SPAG16: variants seen among roughly 807,000 people sequenced by gnomAD.
The protein encoded by SPAG16 is sperm-associated antigen 16 protein.
Under a neutral mutation model 80.4 loss-of-function variants are expected in SPAG16, and 86 were observed. The observed-to-expected ratio is 1.07, with a 90% CI of 0.90 to 1.28. The LOEUF (loss-of-function observed/expected upper bound fraction) is 1.28. Ranked by LOEUF, SPAG16 falls within the 50% of genes most tolerant of loss-of-function variation. SPAG16 has a pLI of 0.00. For missense variants in SPAG16, 870 were observed against 765.3 expected (o/e 1.14, Z -1.61); for synonymous variants, 294 against 265.9 (o/e 1.11, Z -1.03).
chr2:214,194,446 G>A (rs575523072), intron 15 of SPAG16, among the ~76,000 whole-genome samples: 1 of 152,134 alleles, frequency 6.6e-6, no homozygotes, highest in Non-Finnish European at 1.5e-5. Context: ...ACTGGAAGCA[G>A]GAAAATGAGA....
intron 10 of SPAG16, among the ~76,000 whole-genome samples, chr2:213,673,111 A>T (rs1011113327): frequency 3.3e-5 from 5 of 151,924 alleles, no homozygotes; most frequent in African/African-American, 1.2e-4. Flanking sequence ...CTATATTCAA[A>T]CCCTTCCTTT....
intron 10 of SPAG16, among the ~76,000 whole-genome samples, chr2:213,497,097 T>A (rs1316872349): frequency 6.6e-6 from 1 of 151,988 alleles, no homozygotes; most frequent in African/African-American, 2.4e-5. Context: ...TAATTTAAAA[T>A]ATTTTCTATA....
intron 11 of SPAG16, among the ~76,000 whole-genome samples, chr2:213,911,744 A>G (rs1339444545): frequency 2.0e-5 from 3 of 151,496 alleles, no homozygotes; most frequent in Non-Finnish European, 4.4e-5. Flanking sequence ...TGAGAGGCCT[A>G]GGAGAGGCAG....
intron 11 of SPAG16, among the ~76,000 whole-genome samples, chr2:213,881,709 G>A (rs565836697): frequency 6.6e-6 from 1 of 152,106 alleles, no homozygotes; most frequent in Non-Finnish European, 1.5e-5. Flanking sequence ...GAACAACATG[G>A]GAGAAACTGC....
chr2:213,346,686 T>A (rs1183734804), intron 6 of SPAG16, among the ~76,000 whole-genome samples: 1 of 152,244 alleles, frequency 6.6e-6, no homozygotes, highest in African/African-American at 2.4e-5. Flanking sequence ...TTATGTTTAT[T>A]GATTTGCATA....
At chr2:214,383,293 C>T (rs1700558085) in intron 15 of SPAG16, among the ~76,000 whole-genome samples, 2 of 152,154 alleles carry the variant, frequency 1.3e-5, no homozygotes, top group Non-Finnish European at 2.9e-5. Flanking sequence ...TTAGACTACA[C>T]TGGGCACAGT....
At chr2:213,896,592 G>GCGCACACACA (rs57025359) in intron 11 of SPAG16, among the ~76,000 whole-genome samples, 21,938 of 111,772 alleles carry the variant, frequency 0.2, 2,295 homozygotes, top group East Asian at 0.48. Flanking sequence ...ACACACACAC[G>GCGCACACACA]CACACACACA....
At chr2:213,702,389 G>A (rs1240612044) in intron 10 of SPAG16, among the ~76,000 whole-genome samples, 1 of 152,126 alleles carries the variant, frequency 6.6e-6, no homozygotes, top group Non-Finnish European at 1.5e-5. Flanking sequence ...CTGCTGTTTG[G>A]GTCCATGCAG....
At chr2:214,092,189 C>A (rs1261887315) in intron 13 of SPAG16, among the ~76,000 whole-genome samples, 2 of 152,078 alleles carry the variant, frequency 1.3e-5, no homozygotes, top group Admixed American at 6.6e-5. Flanking sequence ...GCTGCAAAAA[C>A]ATACTCAGAT....
At chr2:214,253,653 A>G (rs1462614278) in intron 15 of SPAG16, among the ~76,000 whole-genome samples, 2 of 151,988 alleles carry the variant, frequency 1.3e-5, no homozygotes, top group East Asian at 1.9e-4. Flanking sequence ...GTTCTGTTCT[A>G]TTGATCTATA....
At chr2:213,427,050 A>G (rs1294579105) in intron 9 of SPAG16, among the ~76,000 whole-genome samples, 1 of 152,098 alleles carries the variant, frequency 6.6e-6, no homozygotes, top group Non-Finnish European at 1.5e-5. Context: ...AACTAGTGAA[A>G]ATTAAAGTAT....
chr2:214,187,900 A>G (rs1430495388), intron 15 of SPAG16, among the ~76,000 whole-genome samples: 3 of 152,098 alleles, frequency 2.0e-5, no homozygotes, highest in African/African-American at 7.2e-5. Context: ...CTCTCTAGCC[A>G]TACCTCTTCT....
intron 12 of SPAG16, among the ~76,000 whole-genome samples, chr2:213,931,701 C>G (rs970464515): frequency 6.6e-6 from 1 of 152,076 alleles, no homozygotes; most frequent in African/African-American, 2.4e-5. Context: ...CTTTATGACC[C>G]TGGTATCTAA....
At chr2:213,756,724 A>G (rs1383837932) in intron 10 of SPAG16, among the ~76,000 whole-genome samples, 1 of 152,072 alleles carries the variant, frequency 6.6e-6, no homozygotes, top group Non-Finnish European at 1.5e-5. Flanking sequence ...GGCCTAGGAT[A>G]TGTGTGGGTA....
intron 15 of SPAG16, among the ~76,000 whole-genome samples, chr2:214,184,475 G>T (rs994914106): frequency 6.6e-6 from 1 of 151,880 alleles, no homozygotes. Flanking sequence ...GATTTGTTTT[G>T]CTTTAAATGA....
intron 10 of SPAG16, among the ~76,000 whole-genome samples, chr2:213,770,792 T>C (rs549621398): frequency 2.0e-4 from 31 of 152,296 alleles, no homozygotes; most frequent in South Asian, 4.1e-4. Context: ...ACAGACATGA[T>C]CTAGTTCCTT....
At chr2:214,086,483 AG>A (rs1253212944) in intron 13 of SPAG16, among the ~76,000 whole-genome samples, 1 of 152,054 alleles carries the variant, frequency 6.6e-6, no homozygotes, top group Non-Finnish European at 1.5e-5. Context: ...GAGATCATGG[AG>A]GCAGTCCCCC....
At chr2:214,184,358 G>A (rs1192268323) in intron 15 of SPAG16, among the ~76,000 whole-genome samples, 1 of 152,010 alleles carries the variant, frequency 6.6e-6, no homozygotes, top group Non-Finnish European at 1.5e-5. Context: ...AATACTAACA[G>A]CCACTCATCC....
chr2:214,057,549 T>A (rs1243973484), intron 13 of SPAG16, among the ~76,000 whole-genome samples: 1 of 152,144 alleles, frequency 6.6e-6, no homozygotes, highest in Non-Finnish European at 1.5e-5. Flanking sequence ...TTAGCATAAT[T>A]TTCAAAGGCC....
Sources: gnomAD v4.1 joint callset for allele counts (sites outside exome capture counted in the v4.1 genomes callset) on GRCh38, gnomAD v4.1.1 for gene constraint, MANE v1.5 for transcripts, NCBI Gene and HGNC (gene_info 2026-07-23, HGNC 2026-07-21) for gene names.